The following SORCS3 variants were observed in gnomAD, a reference collection of about 807,000 sequenced individuals.
SORCS3 encodes VPS10 domain-containing receptor SorCS3.
Under a neutral mutation model 146.3 loss-of-function variants are expected in SORCS3, and 57 were observed. That is an observed-to-expected ratio of 0.39 (90% CI 0.31 to 0.49). The LOEUF (loss-of-function observed/expected upper bound fraction) is 0.49. Ranked by LOEUF, SORCS3 falls within the 20% of genes least tolerant of loss-of-function variation. The pLI is 0.92. For missense variants in SORCS3, 1,341 were observed against 1,575.5 expected, an observed-to-expected ratio of 0.85 and a Z score of 2.52; for synonymous variants, 653 against 618.5, an observed-to-expected ratio of 1.06 and a Z score of -0.83.
chr10:104,696,982 C>T (rs1031904606), intron 1 of SORCS3, among the ~76,000 whole-genome samples: 16 of 150,118 alleles, frequency 1.1e-4, no homozygotes, highest in South Asian at 4.2e-4. Flanking sequence ...GAGGATATGG[C>T]GATACGTTGT....
intron 3 of SORCS3, among the ~76,000 whole-genome samples, chr10:104,924,543 A>C (rs896325644): frequency 6.6e-6 from 1 of 152,202 alleles, no homozygotes; most frequent in Non-Finnish European, 1.5e-5. Flanking sequence ...GTGGGAAACC[A>C]AGGACTTGCA....
At chr10:104,960,060 A>T (rs915245018) in intron 3 of SORCS3, among the ~76,000 whole-genome samples, 1 of 151,980 alleles carries the variant, frequency 6.6e-6, no homozygotes. Context: ...TAGCATTTAG[A>T]TGTTTGAGGG....
intron 2 of SORCS3, among the ~76,000 whole-genome samples, chr10:104,855,967 C>T (rs542499397): frequency 1.3e-5 from 2 of 152,212 alleles, no homozygotes; most frequent in Admixed American, 6.5e-5. Context: ...TACTCCTAGG[C>T]TCAAGTGATC....
At chr10:104,664,756 A>G (rs2015747623) in intron 1 of SORCS3, 1 of 152,294 alleles carries the variant, frequency 6.6e-6, no homozygotes. Context: ...CTCAGTATTC[A>G]AATATGAATG....
chr10:104,819,262 C>A (rs2133526895), intron 1 of SORCS3, among the ~76,000 whole-genome samples: 1 of 152,188 alleles, frequency 6.6e-6, no homozygotes, highest in African/African-American at 2.4e-5. Flanking sequence ...AGATAGGGAC[C>A]AGGGTCTGTG....
chr10:104,889,783 G>A (rs1165918051), intron 2 of SORCS3, among the ~76,000 whole-genome samples: 1 of 152,082 alleles, frequency 6.6e-6, no homozygotes, highest in African/African-American at 2.4e-5. Flanking sequence ...TATCCATGTA[G>A]TCACCATTTC....
intron 7 of SORCS3, among the ~76,000 whole-genome samples, chr10:105,107,063 T>G (rs547217836): frequency 6.6e-6 from 1 of 152,254 alleles, no homozygotes; most frequent in East Asian, 1.9e-4. Flanking sequence ...CCATATCAAA[T>G]AACCAACTCA....
intron 4 of SORCS3, among the ~76,000 whole-genome samples, chr10:104,980,195 T>C (rs1399874586): frequency 1.3e-5 from 2 of 152,250 alleles, no homozygotes; most frequent in Admixed American, 6.5e-5. Flanking sequence ...CTAATCACAC[T>C]GCACATTTCT....
At chr10:105,204,025 C>G (rs2056588097) in intron 16 of SORCS3, among the ~76,000 whole-genome samples, 1 of 152,046 alleles carries the variant, frequency 6.6e-6, no homozygotes, top group African/African-American at 2.4e-5. Flanking sequence ...TATTTCTGAA[C>G]CCTTCTTTAG....
intron 14 of SORCS3, among the ~76,000 whole-genome samples, chr10:105,197,014 A>G (rs1252681615): frequency 6.6e-6 from 1 of 151,998 alleles, no homozygotes; most frequent in Non-Finnish European, 1.5e-5. Flanking sequence ...CATAACTCCA[A>G]TTTTGGCTTC....
intron 1 of SORCS3, among the ~76,000 whole-genome samples, chr10:104,838,363 G>GA (rs2018095994): frequency 6.6e-6 from 1 of 152,100 alleles, no homozygotes; most frequent in South Asian, 2.1e-4. Flanking sequence ...TTCTTCCCTG[G>GA]AAATTCACTC....
chr10:105,145,497 T>C (rs2056124576), intron 8 of SORCS3, among the ~76,000 whole-genome samples: 1 of 152,108 alleles, frequency 6.6e-6, no homozygotes, highest in African/African-American at 2.4e-5. Context: ...TCTTTTACAT[T>C]AGTTTAGTCT....
At chr10:104,940,238 A>AT (rs1186082602) in intron 3 of SORCS3, among the ~76,000 whole-genome samples, 326 of 31,424 alleles carry the variant, frequency 0.01, 1 homozygote, top group East Asian at 0.015. Flanking sequence ...ATATATATAT[A>AT]TTTTTTTTTT....
intron 1 of SORCS3, among the ~76,000 whole-genome samples, chr10:104,768,912 G>A (rs753446774): frequency 2.0e-5 from 3 of 152,170 alleles, no homozygotes; most frequent in Admixed American, 6.5e-5. Flanking sequence ...CAGAGGGCAG[G>A]GGCGAAGTGT....
At chr10:105,252,734 T>C (rs776531015) in intron 22 of SORCS3, 41 bp from the exon 23 acceptor site, 1 of 1,612,622 alleles carries the variant, frequency 6.2e-7, no homozygotes, top group Admixed American at 1.7e-5. Context: ...TGGGGAGGGC[T>C]GGCTCCTCCA....
At chr10:105,021,464 A>T (rs1478023669) in intron 4 of SORCS3, among the ~76,000 whole-genome samples, 1 of 152,198 alleles carries the variant, frequency 6.6e-6, no homozygotes, top group Non-Finnish European at 1.5e-5. Flanking sequence ...AAACCATAGC[A>T]TAAACTAAAA....
chr10:104,766,142 A>G (rs1013548301), intron 1 of SORCS3, among the ~76,000 whole-genome samples: 13 of 152,200 alleles, frequency 8.5e-5, no homozygotes, highest in South Asian at 4.1e-4. Context: ...AAATGTCAGC[A>G]TGGGAGAGAG....
At chr10:105,078,087 G>T (rs531237849) in intron 5 of SORCS3, among the ~76,000 whole-genome samples, 1 of 152,214 alleles carries the variant, frequency 6.6e-6, no homozygotes, top group South Asian at 2.1e-4. Flanking sequence ...CTCCAATATT[G>T]CTTTGAGGAT....
rs150609127 is a variant in SORCS3 at position 104,847,690 on chromosome 10, A to T, written c.695+4831A>T. Among the ~76,000 whole-genome samples the T allele has an allele frequency of 2.6e-5, 4 of 152,254 alleles. No homozygotes were observed. In the East Asian group the frequency reaches 7.7e-4, roughly 29 times the overall value. On this transcript the variant is annotated intron_variant, in intron 2 of 26. Transcript: ENST00000369701. ...TTGTCTAGGCATGAGAGGAAACAGGAATCATTTGCAAAGAATGATCCCTTC... is the reference window on the plus strand; with the variant it reads ...TTGTCTAGGCATGAGAGGAAACAGGTATCATTTGCAAAGAATGATCCCTTC...
Sources: allele counts gnomAD v4.1 joint callset (sites outside exome capture counted in the v4.1 genomes callset), GRCh38; gene constraint gnomAD v4.1.1; transcripts MANE v1.5; gene names NCBI Gene and HGNC (gene_info 2026-07-23, HGNC 2026-07-21).